UBE4B: variants seen among roughly 807,000 people sequenced by gnomAD.
The protein encoded by UBE4B is ubiquitin conjugation factor E4 B.
UBE4B carries 27 observed loss-of-function variants against 148.1 expected under a neutral mutation model. The observed-to-expected ratio is 0.18, with a 90% CI of 0.13 to 0.25. UBE4B has a LOEUF of 0.25. UBE4B is among the 10% of genes least tolerant of loss of function. UBE4B has a pLI of 1.00. For synonymous variants in UBE4B, 596 were observed against 619.3 expected (o/e 0.96, Z 0.56); for missense variants, 1,170 against 1,662.4 (o/e 0.70, Z 5.15).
chr1:10,097,848 TG>T (rs1303903584), intron 3 of UBE4B, among the ~76,000 whole-genome samples: 1 of 152,012 alleles, frequency 6.6e-6, no homozygotes, highest in Non-Finnish European at 1.5e-5. Context: ...CATGGAAAAT[TG>T]GGTGTCCATT....
At position 10,166,375 on chromosome 1, in the gene UBE4B, C is replaced by T. The variant is rs200700529; in HGVS notation, c.3199-1761C>T. The T allele has an allele frequency of 2.0e-5, 3 of 152,274 alleles. No individual in the cohort carries two copies. The East Asian group carries it at 5.8e-4, about 29-fold the overall frequency. The allele number at this position is 152,274 out of a possible 1,614,324, so 9.4% of individuals were successfully genotyped here. On this transcript the variant is annotated intron_variant, in intron 23 of 27. Coordinates refer to ENST00000343090, the MANE Select transcript of UBE4B (RefSeq NM_001105562.3). The stretch of plus-strand genomic sequence containing the variant: ...TGCTGACAGTTCTGTGGTGTGACAG[C>T]CTCACAGTTTGGAAAGACAAAATTT...
At chr1:10,162,600 G>A (rs139482662) in intron 23 of UBE4B, among the ~76,000 whole-genome samples, 2,380 of 147,570 alleles carry the variant, frequency 0.016, 55 homozygotes, top group African/African-American at 0.057. Flanking sequence ...GAGTCACCGC[G>A]CCCAGACTTT....
At position 10,095,441 on chromosome 1, in the gene UBE4B, T is replaced by G; in HGVS notation, c.212-20T>G. On this transcript the variant is annotated intron_variant, in intron 2 of 27. Transcript: ENST00000343090. ...CATTATTTCACATGGGGCTTCATCC[T>G]TCCTGTGTTTTCTGTTTAGGAGTAG... 1 of 1,613,088 alleles carries G rather than the reference T, an allele frequency of 6.2e-7. No individual in the cohort carries two copies. The highest frequency in any genetic ancestry group is 1.3e-5 in the African/African-American group (1 of 74,990).
rs1339896357 is a variant in UBE4B at position 10,180,439 on chromosome 1, A to G, written c.*483A>G. ...ATTTTTTTAAGAGAAGCAAAAACAA[A>G]AGTAAACTCCTTTCCCTGGCCCTCC... On this transcript the variant is annotated 3_prime_UTR_variant, in exon 28 of 28. Coordinates refer to ENST00000343090, the MANE Select transcript of UBE4B (RefSeq NM_001105562.3). 6.5e-6 allele frequency: 1 copy of G among 154,572 alleles called. No homozygotes were observed. Among genetic ancestry groups the G allele is most frequent in the African/African-American group, 2.4e-5 (1 of 41,428 alleles). 9.6% of individuals were successfully genotyped at this position (154,572 alleles called of 1,614,324 possible).
intron 2 of UBE4B, among the ~76,000 whole-genome samples, chr1:10,090,358 G>A (rs892511018): frequency 1.3e-4 from 19 of 151,720 alleles, no homozygotes; most frequent in Admixed American, 1.1e-3. Context: ...GGACTGAAGC[G>A]ATCTACTCCA....
chr1:10,039,410 G>A (rs1366906955), intron 1 of UBE4B, among the ~76,000 whole-genome samples: 3 of 151,918 alleles, frequency 2.0e-5, no homozygotes, highest in African/African-American at 7.2e-5. Context: ...TGTCAGAAAC[G>A]TTTAGGAGTT....
chr1:10,036,957 G>T (rs1643561727), intron 1 of UBE4B, among the ~76,000 whole-genome samples: 1 of 152,158 alleles, frequency 6.6e-6, no homozygotes, highest in Non-Finnish European at 1.5e-5. Flanking sequence ...TAACCAGACT[G>T]GTAGCTTTAG....
chr1:10,047,991 G>T (rs1286242567), intron 1 of UBE4B, among the ~76,000 whole-genome samples: 1 of 152,112 alleles, frequency 6.6e-6, no homozygotes, highest in South Asian at 2.1e-4. Flanking sequence ...TAACTGGGAG[G>T]TGTGTGCCAC....
chr1:10,178,969 T>C, intron 26 of UBE4B, 151 bp downstream of exon 26: 1 of 796,164 alleles, frequency 1.3e-6, no homozygotes, highest in Non-Finnish European at 1.8e-6. Flanking sequence ...TTGCCTATTT[T>C]TAGCTCATAT....
At chr1:10,131,122 A>G (rs1253518295) in intron 14 of UBE4B, among the ~76,000 whole-genome samples, 1 of 152,166 alleles carries the variant, frequency 6.6e-6, no homozygotes. Flanking sequence ...TAGTTTGCAC[A>G]CACCCTCACT....
chr1:10,038,793 G>A (rs1423650062), intron 1 of UBE4B, among the ~76,000 whole-genome samples: 3 of 151,972 alleles, frequency 2.0e-5, no homozygotes, highest in Non-Finnish European at 4.4e-5. Context: ...AATGCCTGTC[G>A]CGTTAAAAAT....
chr1:10,147,471 C>T (rs1454176488), intron 19 of UBE4B, among the ~76,000 whole-genome samples: 5 of 151,846 alleles, frequency 3.3e-5, no homozygotes, highest in South Asian at 2.1e-4. Context: ...CCAGCCTGGG[C>T]GACAGAGCGA....
chr1:10,097,599 C>T (rs1179332312), intron 3 of UBE4B, among the ~76,000 whole-genome samples: 1 of 152,178 alleles, frequency 6.6e-6, no homozygotes, highest in Non-Finnish European at 1.5e-5. Flanking sequence ...CACTTGAGGT[C>T]AGGAGTTCGA....
intron 17 of UBE4B, among the ~76,000 whole-genome samples, chr1:10,140,184 T>C (rs756555260): frequency 8.5e-5 from 13 of 152,238 alleles, no homozygotes; most frequent in Admixed American, 2.0e-4. Context: ...CAGTTCAAAA[T>C]GTTTTCTAAT....
Position 10,175,557 on chromosome 1 carries a change from A to G in UBE4B, c.3526-3087A>G, listed in dbSNP as rs1008381004. On this transcript the variant is annotated intron_variant, in intron 25 of 27. Coordinates refer to ENST00000343090, the MANE Select transcript of UBE4B (RefSeq NM_001105562.3). ...ACCCAGCTACTCGGGAGGCTGAGGCAGGAGAATGGCGTGAACCTGGGAGGT... is the reference window on the plus strand; with the variant it reads ...ACCCAGCTACTCGGGAGGCTGAGGCGGGAGAATGGCGTGAACCTGGGAGGT... 2.6e-5 allele frequency among the ~76,000 whole-genome samples: 4 copies of G among 152,080 alleles called. 1 individual carries two copies. Among genetic ancestry groups the G allele is most frequent in the Middle Eastern group, 3.2e-3 (1 of 316 alleles).
chr1:10,161,137 T>G lies in UBE4B; in HGVS notation c.3054-5T>G, dbSNP rs1175600396. On this transcript the variant is annotated splice_polypyrimidine_tract_variant and splice_region_variant and intron_variant, in intron 22 of 27. Coordinates refer to ENST00000343090, the MANE Select transcript of UBE4B (RefSeq NM_001105562.3). The surrounding 1 kb of genome is among the most constrained non-coding windows in gnomAD (Gnocchi z 4.1). ...TGACCATGTACAATATAATTGCCTT[T>G]CCAGCTCCGGGAAGCAGTTTGTTCG... 1 of 1,613,752 alleles carries G rather than the reference T, an allele frequency of 6.2e-7. No homozygotes were observed. The highest frequency in any genetic ancestry group is 8.5e-7 in the Non-Finnish European group (1 of 1,179,874).
At chr1:10,093,852 G>T (rs914636596) in intron 2 of UBE4B, among the ~76,000 whole-genome samples, 1 of 151,864 alleles carries the variant, frequency 6.6e-6, no homozygotes, top group African/African-American at 2.4e-5. Flanking sequence ...GGGCCACCAC[G>T]CCCAGCTAAT....
At chr1:10,115,164 C>CCT (rs1165016829) in intron 7 of UBE4B, among the ~76,000 whole-genome samples, 18 of 137,024 alleles carry the variant, frequency 1.3e-4, no homozygotes, top group Non-Finnish European at 2.1e-4. Context: ...TAATACCATA[C>CCT]TTTTTTTTTT....
intron 3 of UBE4B, among the ~76,000 whole-genome samples, chr1:10,098,370 A>C (rs2101880130): frequency 6.6e-6 from 1 of 152,320 alleles, no homozygotes; most frequent in African/African-American, 2.4e-5. Context: ...GTAATAAGAA[A>C]ATGAGGAACA....
Sources: allele counts gnomAD v4.1 joint callset (sites outside exome capture counted in the v4.1 genomes callset), GRCh38; gene constraint gnomAD v4.1.1; non-coding constraint Gnocchi (gnomAD v3.1); transcripts MANE v1.5; gene names NCBI Gene and HGNC (gene_info 2026-07-23, HGNC 2026-07-21).